The following DGKH variants were observed in gnomAD, a reference collection of about 807,000 sequenced individuals.
The protein encoded by DGKH is diacylglycerol kinase eta, also known as DAG kinase eta.
DGKH carries 90 observed loss-of-function variants against 159.3 expected under a neutral mutation model. That is an observed-to-expected ratio of 0.57 (90% confidence interval 0.48 to 0.67). DGKH has a LOEUF of 0.67. Among genes scored for constraint, DGKH ranks in the 30% least tolerant of loss-of-function variants. The pLI, the probability that DGKH is intolerant of heterozygous loss-of-function variation, is 0.00. For synonymous variants in DGKH, 536 were observed against 553.8 expected, an observed-to-expected ratio of 0.97 and a Z score of 0.45; for missense variants, 1,181 against 1,506.1, an observed-to-expected ratio of 0.78 and a Z score of 3.57.
intron 3 of DGKH, among the ~76,000 whole-genome samples, chr13:42,151,513 ATGTATATATATACACG>A (rs1955886469): frequency 9.8e-6 from 1 of 102,468 alleles, no homozygotes; most frequent in African/African-American, 3.0e-5. Context: ...GTGTATACAC[ATGTATATATATACACG>A]TGTATATATA....
chr13:42,219,284 G>C lies in DGKH; in HGVS notation c.3268G>C (p.Val1090Leu), dbSNP rs1475184569. The change falls in exon 27 of 30, where the codon GTG (valine) becomes CTG (leucine). Residue 1090 changes from valine (V) to leucine (L), a missense_variant. Val to Leu is a conservative substitution (Grantham distance 32, BLOSUM62 1). Transcript: ENST00000337343. Reference sequence around the variant, plus strand: ...ATCCAATGCCTTACACTCTGTGGAGGTGGAATTACAGAAACTGACAGAGAT... The same window carrying C: ...ATCCAATGCCTTACACTCTGTGGAGCTGGAATTACAGAAACTGACAGAGAT... ...RVSNALHSVE[V>L]ELQKLTEIPW... The C allele has an allele frequency of 1.9e-6, 3 of 1,613,958 alleles. No homozygotes were observed. Among genetic ancestry groups the C allele is most frequent in the Admixed American group, 1.7e-5 (1 of 60,008 alleles).
chr13:42,178,365 G>T, intron 13 of DGKH, 145 bp downstream of exon 13: 1 of 577,352 alleles, frequency 1.7e-6, no homozygotes, highest in African/African-American at 1.9e-5. Context: ...AATTTGAATT[G>T]ATTTTTAAAA....
intron 3 of DGKH, among the ~76,000 whole-genome samples, chr13:42,142,779 C>G (rs961700762): frequency 2.0e-5 from 3 of 151,372 alleles, no homozygotes; most frequent in Non-Finnish European, 2.9e-5. Flanking sequence ...TTGCCTATCA[C>G]CTTAAGGAGA....
At chr13:42,137,217 A>G (rs1198119877) in intron 3 of DGKH, among the ~76,000 whole-genome samples, 1 of 152,236 alleles carries the variant, frequency 6.6e-6, no homozygotes, top group Admixed American at 6.5e-5. Flanking sequence ...CAAAGGCAAT[A>G]ACTAAAAGCT....
At chr13:42,061,276 C>A (rs116439917) in intron 1 of DGKH, among the ~76,000 whole-genome samples, 2 of 152,124 alleles carry the variant, frequency 1.3e-5, no homozygotes, top group African/African-American at 4.8e-5. Flanking sequence ...CTGCTCCTTA[C>A]AATACACGTA....
At chr13:42,061,988 G>GTGT (rs1555256128) in intron 1 of DGKH, among the ~76,000 whole-genome samples, 41 of 149,784 alleles carry the variant, frequency 2.7e-4, no homozygotes, top group East Asian at 1.8e-3. Flanking sequence ...TGTGTGTGTG[G>GTGT]GTGTGTGTGT....
At chr13:42,244,153 G>A (rs946010831), downstream of DGKH, among the ~76,000 whole-genome samples, 1 of 152,172 alleles carries the variant, frequency 6.6e-6, no homozygotes, top group Non-Finnish European at 1.5e-5. Flanking sequence ...CAAGGTGACT[G>A]TCTATGGGAT....
At position 42,064,297 on chromosome 13, in the gene DGKH, C is replaced by T. The variant is rs190141017; in HGVS notation, c.192+15332C>T. On this transcript the variant is annotated intron_variant, in intron 1 of 29. Coordinates refer to ENST00000337343, the MANE Select transcript of DGKH (RefSeq NM_178009.5). ...AAGGTATGAAATGCTTGAACAGGGG[C>T]GTGGGAAAGGGAATAGACTAGAGAA... is the stretch of plus-strand genomic sequence containing the variant. 2.6e-4 allele frequency among the ~76,000 whole-genome samples: 39 copies of T among 152,078 alleles called. 1 individual carries two copies. In the East Asian group the frequency reaches 5.8e-3, roughly 23 times the overall value.
intron 25 of DGKH, 105 bp from the exon 26 acceptor site, chr13:42,215,470 A>C (rs145280136): frequency 0.014 from 11,804 of 857,066 alleles, 120 homozygotes; most frequent in African/African-American, 0.03. Context: ...TAGATTAAAA[A>C]TGTGTGCTGT....
At chr13:42,251,336 C>T (rs1198087173) in intron 29 of DGKH, among the ~76,000 whole-genome samples, 2 of 152,112 alleles carry the variant, frequency 1.3e-5, no homozygotes, top group Admixed American at 6.5e-5. Context: ...ATTACCTGGG[C>T]ATGGTGACAT....
intron 8 of DGKH, among the ~76,000 whole-genome samples, chr13:42,166,159 A>C (rs377051109): frequency 6.6e-6 from 1 of 152,234 alleles, no homozygotes; most frequent in East Asian, 1.9e-4. Context: ...TAAGTTTATA[A>C]ACCTGAAGAT....
rs1958407463 is a variant in DGKH at position 42,236,079 on chromosome 13, T to C, written c.*6891T>C. 1 of 152,204 alleles carries C rather than the reference T, an allele frequency of 6.6e-6. No homozygotes were observed. Among genetic ancestry groups the C allele is most frequent in the African/African-American group, 2.4e-5 (1 of 41,454 alleles). 9.4% of individuals were successfully genotyped at this position (152,204 alleles called of 1,614,324 possible). On this transcript the variant is annotated 3_prime_UTR_variant, in exon 30 of 30. Coordinates refer to ENST00000337343, the MANE Select transcript of DGKH (RefSeq NM_178009.5). ...GGCATTAGGGGCAAGAATTTTACCT[T>C]TGGATTTCTCTATGTGAGGCAGTGC...
intron 29 of DGKH, among the ~76,000 whole-genome samples, chr13:42,251,465 A>G (rs895412931): frequency 6.6e-6 from 1 of 152,108 alleles, no homozygotes; most frequent in African/African-American, 2.4e-5. Context: ...ATACCCACTC[A>G]TGTCTGTTCT....
chr13:42,213,263 G>A (rs1170278012), intron 24 of DGKH, among the ~76,000 whole-genome samples: 2 of 152,146 alleles, frequency 1.3e-5, no homozygotes, highest in Non-Finnish European at 2.9e-5. Context: ...TGGTAAATGG[G>A]TATGAATTAG....
chr13:42,224,378 T>C (rs1958064485), intron 29 of DGKH, among the ~76,000 whole-genome samples: 1 of 152,198 alleles, frequency 6.6e-6, no homozygotes, highest in Non-Finnish European at 1.5e-5. Context: ...CACCAAGTCA[T>C]ATTGATTCTA....
At chr13:42,067,112 A>G (rs1332391871) in intron 1 of DGKH, among the ~76,000 whole-genome samples, 1 of 152,186 alleles carries the variant, frequency 6.6e-6, no homozygotes, top group African/African-American at 2.4e-5. Context: ...AGAGGTTTGC[A>G]GGAACCTAAA....
intron 12 of DGKH, 100 bp downstream of exon 12, chr13:42,174,244 G>A: frequency 2.0e-6 from 2 of 993,872 alleles, no homozygotes; most frequent in South Asian, 3.0e-5. Flanking sequence ...TATTGTGGTA[G>A]CATGTTAACT....
chr13:42,099,032 C>T (rs896448697), intron 1 of DGKH, among the ~76,000 whole-genome samples: 1 of 152,118 alleles, frequency 6.6e-6, no homozygotes, highest in African/African-American at 2.4e-5. Flanking sequence ...TCAGTGTGGG[C>T]CAGGATAGCA....
chr13:42,040,749 G>T (rs1227875953), intron 1 of DGKH, among the ~76,000 whole-genome samples: 1 of 149,298 alleles, frequency 6.7e-6, no homozygotes, highest in East Asian at 2.0e-4. Flanking sequence ...GCCCCGGGCG[G>T]GGAGCCGGGG....
Sources: gnomAD v4.1 joint callset for allele counts (sites outside exome capture counted in the v4.1 genomes callset) on GRCh38, gnomAD v4.1.1 for gene constraint, MANE v1.5 for transcripts, NCBI Gene and HGNC (gene_info 2026-07-23, HGNC 2026-07-21) for gene names.